DOHH: variants seen among roughly 807,000 people sequenced by gnomAD.
The protein encoded by DOHH is deoxyhypusine hydroxylase.
DOHH carries 16 observed loss-of-function variants against 19.9 expected under a neutral mutation model. The observed-to-expected ratio is 0.80, with a 90% CI of 0.54 to 1.22. DOHH has a LOEUF of 1.22. Among genes scored for constraint, DOHH ranks in the 50% most tolerant of loss-of-function variants. The pLI is 0.00. For missense variants in DOHH, 460 were observed against 460.6 expected (o/e 1.00, Z 0.01); for synonymous variants, 233 against 217.0 (o/e 1.07, Z -0.65).
chr19:3,492,009 C>T (rs1007719383), intron 4 of DOHH, among the ~76,000 whole-genome samples, 198 bp from the exon 5 acceptor site: 1 of 152,186 alleles, frequency 6.6e-6, no homozygotes, highest in Non-Finnish European at 1.5e-5. Flanking sequence ...CTTGAAGACA[C>T]CCCTGCCCCC....
At position 3,491,910 on chromosome 19, in the gene DOHH, C is replaced by A; in HGVS notation, c.590-99G>T. On this transcript the variant is annotated intron_variant, in intron 4 of 4. Transcript: ENST00000427575. This position sits in a 1 kb window ranked among gnomAD's most constrained non-coding sequence, Gnocchi z 5.6. The stretch of plus-strand genomic sequence containing the variant: ...GTCTTGCTATCTTGCCCAGGCAGGT[C>A]ACAAAGTCCTGGCGATCTTCCCATC... 8.0e-7 allele frequency: 1 copy of A among 1,253,960 alleles called. No homozygotes were observed. The highest frequency in any genetic ancestry group is 1.7e-5 in the South Asian group (1 of 59,706). The allele number at this position is 1,253,960 out of a possible 1,614,324, so 77.7% of individuals were successfully genotyped here. A position where few individuals can be genotyped will look rare whatever the true frequency, so the allele number is the denominator to read the frequency against.
chr19:3,491,600 G>A lies in DOHH; in HGVS notation c.801C>T (p.Arg267=). The A allele has an allele frequency of 2.0e-6, 3 of 1,535,986 alleles. No homozygotes were observed. Among genetic ancestry groups the A allele is most frequent in the Middle Eastern group, 1.7e-4 (1 of 5,958 alleles). The part of the protein sequence containing the change: ...ALQAHADDPE[R]VVRESCEVAL... Reference sequence around the variant, plus strand: ...CCACCTCGCAGCTCTCACGCACCACGCGCTCTGGGTCGTCCGCGTGAGCCT... The same window carrying A: ...CCACCTCGCAGCTCTCACGCACCACACGCTCTGGGTCGTCCGCGTGAGCCT... The change falls in exon 5 of 5, where the codon CGC becomes CGT. Residue 267 remains arginine, a synonymous_variant. Coordinates refer to ENST00000427575, the MANE Select transcript of DOHH (RefSeq NM_001145165.2). The surrounding 1 kb of genome is among the most constrained non-coding windows in gnomAD (Gnocchi z 5.6).
At chr19:3,497,065 G>C (rs1032470072) in intron 1 of DOHH, among the ~76,000 whole-genome samples, 179 bp from the exon 2 acceptor site, 8 of 152,052 alleles carry the variant, frequency 5.3e-5, no homozygotes, top group African/African-American at 1.9e-4. Flanking sequence ...TCCCTCTCTG[G>C]GCCTCAGTCT....
In DOHH at chr19:3,496,476, C is replaced by T. The variant is rs922755118; in HGVS notation, c.274+65G>A. The T allele has an allele frequency of 1.9e-6, 3 of 1,561,744 alleles. No individual in the cohort carries two copies. The highest frequency in any genetic ancestry group is 2.6e-6 in the Non-Finnish European group (3 of 1,154,246). ...TTTATCACCTGAGTGAGGAAGGGGACACGTGGGGTCATGAAGAAGTGAGGC... is the reference window on the plus strand; with the variant it reads ...TTTATCACCTGAGTGAGGAAGGGGATACGTGGGGTCATGAAGAAGTGAGGC... On this transcript the variant is annotated intron_variant, in intron 2 of 4. Coordinates refer to ENST00000427575, the MANE Select transcript of DOHH (RefSeq NM_001145165.2). This position sits in a 1 kb window ranked among gnomAD's most constrained non-coding sequence, Gnocchi z 4.8.
rs1239802352 is a variant in DOHH at position 3,494,052 on chromosome 19, C to T, written c.327G>A (p.Gln109=). Residue 109 remains glutamine, a synonymous_variant, in exon 3 of 5, where the codon CAG becomes CAA. Transcript: ENST00000427575. ...CCTCGATGACGGGGTCCGAGGAATA[C>T]TGCTTCAGGATCTCCAGAACTTCCG... ...GDPEVLEILK[Q]YSSDPVIEVA... 3 of 1,613,700 alleles carry T rather than the reference C, an allele frequency of 1.9e-6. No individual in the cohort carries two copies. Among genetic ancestry groups the T allele is most frequent in the East Asian group, 4.5e-5 (2 of 44,866 alleles).
At chr19:3,492,835 C>T (rs147314633) in intron 3 of DOHH, among the ~76,000 whole-genome samples, 35 of 152,196 alleles carry the variant, frequency 2.3e-4, no homozygotes, top group Non-Finnish European at 3.7e-4. Context: ...GGAACATGTG[C>T]GGCCCCACCT....
chr19:3,494,542 G>A (rs1034390923), intron 2 of DOHH, among the ~76,000 whole-genome samples: 2 of 152,174 alleles, frequency 1.3e-5, no homozygotes, highest in African/African-American at 2.4e-5. Context: ...AAAACAGGCC[G>A]GGCCTGCCGG....
chr19:3,492,223 G>A, intron 4 of DOHH, 39 bp downstream of exon 4: 1 of 1,417,698 alleles, frequency 7.1e-7, no homozygotes, highest in Middle Eastern at 1.8e-4. Context: ...CTCACAGCGA[G>A]GCACTGCCCA....
In DOHH at chr19:3,492,273, GC is replaced by G; in HGVS notation, c.577del (p.Ala193ArgfsTer135). On this transcript the variant is annotated frameshift_variant, in exon 4 of 5. Coordinates refer to ENST00000427575, the MANE Select transcript of DOHH (RefSeq NM_001145165.2). LOFTEE classifies it low-confidence loss of function (END_TRUNC). ...RNAGGEEAALALAEGLHCGSA... is the reference protein window; with the variant it reads ...RNAGGEEAALXLAEGLHCGSA... The stretch of plus-strand genomic sequence containing the variant: ...AAGCCCCTCCTCACCCTCGGCCAGC[GC>G]CAGGGCGGCCTCCTCGCCTCCCGCG... 1 of 1,483,910 alleles carries G rather than the reference GC, an allele frequency of 6.7e-7. No individual in the cohort carries two copies. Among genetic ancestry groups the G allele is most frequent in the Non-Finnish European group, 8.9e-7 (1 of 1,127,282 alleles). 91.9% of individuals were successfully genotyped at this position (1,483,910 alleles called of 1,614,324 possible). A position where few individuals can be genotyped will look rare whatever the true frequency, so the allele number is the denominator to read the frequency against.
chr19:3,491,585 G>A lies in DOHH; in HGVS notation c.816C>T (p.Ser272=), dbSNP rs1441636815. 2 of 1,535,966 alleles carry A rather than the reference G, an allele frequency of 1.3e-6. No homozygotes were observed. Among genetic ancestry groups the A allele is most frequent in the Admixed American group, 3.9e-5 (2 of 51,004 alleles). Reference sequence around the variant, plus strand: ...CATACATGTCCAGAGCCACCTCGCAGCTCTCACGCACCACGCGCTCTGGGT... The same window carrying A: ...CATACATGTCCAGAGCCACCTCGCAACTCTCACGCACCACGCGCTCTGGGT... ...ADDPERVVRE[S]CEVALDMYEH... Residue 272 remains serine (S), a synonymous_variant, in exon 5 of 5, where the codon AGC becomes AGT. Transcript: ENST00000427575. This position sits in a 1 kb window ranked among gnomAD's most constrained non-coding sequence, Gnocchi z 5.6.
Position 3,494,071 on chromosome 19 carries a change from A to AC in DOHH, c.307dup (p.Val103GlyfsTer52), listed in dbSNP as rs1897967392. 1 of 1,613,660 alleles carries AC rather than the reference A, an allele frequency of 6.2e-7. No individual in the cohort carries two copies. Among genetic ancestry groups the AC allele is most frequent in the Non-Finnish European group, 8.5e-7 (1 of 1,179,788 alleles). ...GGAATACTGCTTCAGGATCTCCAGA[A>AC]CTTCCGGGTCCCCGATGGCCCCCAG... On this transcript the variant is annotated frameshift_variant, in exon 3 of 5. Coordinates refer to ENST00000427575, the MANE Select transcript of DOHH (RefSeq NM_001145165.2). LOFTEE classifies it high-confidence loss of function.
At position 3,496,408 on chromosome 19, in the gene DOHH, A is replaced by C; in HGVS notation, c.274+133T>G. On this transcript the variant is annotated intron_variant, in intron 2 of 4. Coordinates refer to ENST00000427575, the MANE Select transcript of DOHH (RefSeq NM_001145165.2). The surrounding 1 kb of genome is among the most constrained non-coding windows in gnomAD (Gnocchi z 4.8). ...GCTGTCTGGCTGCAGAGCTGCAGGT[A>C]TTTACTATCTGGTGCTCTATGGGGC... The C allele has an allele frequency of 7.5e-7, 1 of 1,331,476 alleles. No homozygotes were observed. Among genetic ancestry groups the C allele is most frequent in the Non-Finnish European group, 1.0e-6 (1 of 974,404 alleles). The allele number at this position is 1,331,476 out of a possible 1,614,324, so 82.5% of individuals were successfully genotyped here. A position where few individuals can be genotyped will look rare whatever the true frequency, so the allele number is the denominator to read the frequency against.
chr19:3,493,443 A>G (rs2082885730), intron 3 of DOHH, among the ~76,000 whole-genome samples: 2 of 152,154 alleles, frequency 1.3e-5, no homozygotes, highest in African/African-American at 2.4e-5. Context: ...CCCCGTCTCT[A>G]CTAAAAATAC....
intron 2 of DOHH, among the ~76,000 whole-genome samples, 163 bp from the exon 3 acceptor site, chr19:3,494,267 G>A (rs886808378): frequency 1.3e-5 from 2 of 152,142 alleles, no homozygotes; most frequent in African/African-American, 2.4e-5. Context: ...CAGGCTCCCC[G>A]CTGGACCAAT....
chr19:3,492,040 C>G (rs1326245002), intron 4 of DOHH, among the ~76,000 whole-genome samples: 1 of 152,170 alleles, frequency 6.6e-6, no homozygotes. Flanking sequence ...ATTAGGGATG[C>G]CCGGGGGAAC....
At chr19:3,493,930 G>A in intron 3 of DOHH, 98 bp downstream of exon 3, 1 of 1,144,640 alleles carries the variant, frequency 8.7e-7, no homozygotes, top group Non-Finnish European at 1.2e-6. Flanking sequence ...CAGAGATGGG[G>A]AGGGTCTGAG....
At chr19:3,494,727 G>C (rs755402240) in intron 2 of DOHH, among the ~76,000 whole-genome samples, 13 of 152,238 alleles carry the variant, frequency 8.5e-5, no homozygotes, top group Non-Finnish European at 4.4e-5. Context: ...GGCCCTGCCT[G>C]TGAGGCAGCT....
intron 1 of DOHH, among the ~76,000 whole-genome samples, chr19:3,499,530 T>C (rs547151836): frequency 1.3e-5 from 2 of 152,202 alleles, no homozygotes; most frequent in African/African-American, 4.8e-5. Context: ...CCCAGCGCTT[T>C]GGGAGGCCGA....
In DOHH at chr19:3,492,265, C is replaced by A. The variant is rs1296594693; in HGVS notation, c.586G>T (p.Glu196Ter). 5 of 1,462,820 alleles carry A rather than the reference C, an allele frequency of 3.4e-6. No homozygotes were observed. The African/African-American group carries it at 5.9e-5, about 17-fold the overall frequency. 90.6% of individuals were successfully genotyped at this position (1,462,820 alleles called of 1,614,324 possible). The change falls in exon 4 of 5, where the codon GAG becomes TAG. Residue 196 changes from glutamate to a stop codon, truncating the protein, a stop_gained. Coordinates refer to ENST00000427575, the MANE Select transcript of DOHH (RefSeq NM_001145165.2). LOFTEE classifies it low-confidence loss of function (END_TRUNC). The stretch of plus-strand genomic sequence containing the variant: ...CACCCCAGAAGCCCCTCCTCACCCT[C>A]GGCCAGCGCCAGGGCGGCCTCCTCG... ...GGEEAALALAEGLHCGSALFR... is the reference protein window; with the variant it reads ...GGEEAALALA
Sources: gnomAD v4.1 joint callset for allele counts (sites outside exome capture counted in the v4.1 genomes callset) on GRCh38, gnomAD v4.1.1 for gene constraint, Gnocchi (gnomAD v3.1) non-coding constraint, MANE v1.5 for transcripts, NCBI Gene and HGNC (gene_info 2026-07-23, HGNC 2026-07-21) for gene names.